Variants in CDH18 observed in about 807,000 individuals in gnomAD.
The protein encoded by CDH18 is cadherin 18.
A neutral mutation model predicts 67.9 loss-of-function variants in CDH18; 31 were observed. That is an observed-to-expected ratio of 0.46 (90% confidence interval 0.34 to 0.62). The LOEUF (loss-of-function observed/expected upper bound fraction) is 0.62. Among genes scored for constraint, CDH18 ranks in the 20% least tolerant of loss-of-function variants. The pLI is 0.01. For missense variants in CDH18, 890 were observed against 975.5 expected (o/e 0.91, Z 1.17); for synonymous variants, 362 against 347.2 (o/e 1.04, Z -0.48).
chr5:19,866,358 A>G lies in CDH18; in HGVS notation c.-256-27116T>C, dbSNP rs1487494665. Among the ~76,000 whole-genome samples the G allele has an allele frequency of 2.0e-5, 3 of 152,186 alleles. No individual in the cohort carries two copies. In the East Asian group the frequency reaches 5.8e-4, roughly 29 times the overall value. On this transcript the variant is annotated intron_variant, in intron 2 of 12. Coordinates refer to ENST00000382275, the MANE Select transcript of CDH18 (RefSeq NM_004934.5). ...TCAGCAGGCTTTTAGTGACTTTTCCATTCAGCCTCAATGCAGAAGAAAGGC... is the reference window on the plus strand; with the variant it reads ...TCAGCAGGCTTTTAGTGACTTTTCCGTTCAGCCTCAATGCAGAAGAAAGGC...
intron 7 of CDH18, among the ~76,000 whole-genome samples, chr5:19,588,103 A>G (rs1010971270): frequency 6.6e-6 from 1 of 152,008 alleles, no homozygotes; most frequent in Non-Finnish European, 1.5e-5. Context: ...TTGTTGGTGT[A>G]TAGGAATGCT....
intron 1 of CDH18, among the ~76,000 whole-genome samples, chr5:20,296,060 G>C (rs963393264): frequency 6.6e-6 from 1 of 151,054 alleles, no homozygotes; most frequent in Admixed American, 6.6e-5. Context: ...ATTTTTAGTA[G>C]AGACGGGGTT....
intron 1 of CDH18, among the ~76,000 whole-genome samples, chr5:20,348,252 C>T (rs1161261544): frequency 6.6e-6 from 1 of 152,066 alleles, no homozygotes; most frequent in African/African-American, 2.4e-5. Flanking sequence ...ATAACAAACT[C>T]ATTAACAACA....
At chr5:20,547,066 C>T (rs1401427105) in intron 1 of CDH18, among the ~76,000 whole-genome samples, 1 of 151,754 alleles carries the variant, frequency 6.6e-6, no homozygotes, top group Non-Finnish European at 1.5e-5. Flanking sequence ...AAAACTAAAA[C>T]AAGAAACAAA....
intron 1 of CDH18, among the ~76,000 whole-genome samples, chr5:20,314,999 T>G (rs958169230): frequency 2.6e-5 from 4 of 152,094 alleles, no homozygotes; most frequent in Non-Finnish European, 5.9e-5. Context: ...GTCAGCAGTG[T>G]TTACTAATTT....
At chr5:19,719,909 G>GA (rs943328556) in intron 5 of CDH18, among the ~76,000 whole-genome samples, 13 of 85,678 alleles carry the variant, frequency 1.5e-4, no homozygotes, top group African/African-American at 4.4e-4. Context: ...GCAAGAGAAA[G>GA]AAAGAAAGAA....
intron 1 of CDH18, among the ~76,000 whole-genome samples, chr5:20,506,997 T>C (rs1754701934): frequency 6.6e-6 from 1 of 152,152 alleles, no homozygotes; most frequent in Non-Finnish European, 1.5e-5. Context: ...AAACTTTTAG[T>C]CATGCTGCCA....
intron 2 of CDH18, among the ~76,000 whole-genome samples, chr5:20,210,215 A>C (rs1740248549): frequency 6.6e-6 from 1 of 151,828 alleles, no homozygotes; most frequent in Non-Finnish European, 1.5e-5. Context: ...CAAGTAACTG[A>C]GTTTTAAATT....
chr5:20,472,881 G>A (rs895850384), intron 1 of CDH18, among the ~76,000 whole-genome samples: 2 of 151,998 alleles, frequency 1.3e-5, no homozygotes, highest in Non-Finnish European at 2.9e-5. Context: ...TTTACTATTT[G>A]TACCATCCTT....
chr5:20,298,144 A>G (rs1350700349), intron 1 of CDH18, among the ~76,000 whole-genome samples: 1 of 152,182 alleles, frequency 6.6e-6, no homozygotes, highest in Non-Finnish European at 1.5e-5. Flanking sequence ...CAGAACCAAG[A>G]CCTTTCTTTA....
Position 19,520,717 on chromosome 5 carries a change from A to G in CDH18, c.1452T>C (p.Asn484=). The change falls in exon 10 of 13, where the codon AAT becomes AAC. Residue 484 remains asparagine, a synonymous_variant. Coordinates refer to ENST00000382275, the MANE Select transcript of CDH18 (RefSeq NM_004934.5). The part of the protein sequence containing the change: ...VGIRVLDVND[N]PPELAREYDI... ...CATATTCCCTGGCAAGTTCGGGTGG[A>G]TTGTCATTGACATCCAGAACTCTAA... is the stretch of plus-strand genomic sequence containing the variant. 6.2e-7 allele frequency: 1 copy of G among 1,613,384 alleles called. No homozygotes were observed. The highest frequency in any genetic ancestry group is 1.3e-5 in the African/African-American group (1 of 75,016).
chr5:20,245,762 T>C (rs1743327889), intron 2 of CDH18, among the ~76,000 whole-genome samples: 1 of 152,138 alleles, frequency 6.6e-6, no homozygotes, highest in Non-Finnish European at 1.5e-5. Context: ...AGCACTATTG[T>C]AGCACAGAAA....
At chr5:20,171,996 T>C (rs530104603) in intron 2 of CDH18, among the ~76,000 whole-genome samples, 1 of 151,052 alleles carries the variant, frequency 6.6e-6, no homozygotes, top group East Asian at 2.0e-4. Context: ...TCCTCATTGC[T>C]TATTTTGTAA....
intron 2 of CDH18, among the ~76,000 whole-genome samples, chr5:20,232,780 T>C (rs1224864306): frequency 6.6e-6 from 1 of 152,098 alleles, no homozygotes; most frequent in Non-Finnish European, 1.5e-5. Flanking sequence ...AGTTGAAAGT[T>C]ATCTTTAACC....
At chr5:20,132,726 G>C (rs1048962793) in intron 2 of CDH18, among the ~76,000 whole-genome samples, 1 of 152,058 alleles carries the variant, frequency 6.6e-6, no homozygotes, top group Non-Finnish European at 1.5e-5. Flanking sequence ...CTCAAGTGTA[G>C]GTCATTCCAG....
chr5:20,527,074 G>A (rs1303183357), intron 1 of CDH18, among the ~76,000 whole-genome samples: 3 of 152,104 alleles, frequency 2.0e-5, no homozygotes. Context: ...TAAATTACCT[G>A]ATAGAGCTGA....
intron 5 of CDH18, among the ~76,000 whole-genome samples, chr5:19,613,138 C>A (rs537114189): frequency 2.0e-5 from 3 of 152,000 alleles, no homozygotes; most frequent in Non-Finnish European, 4.4e-5. Flanking sequence ...GAGTGAGACT[C>A]CAACTAAAAA....
intron 1 of CDH18, among the ~76,000 whole-genome samples, chr5:20,471,976 A>C: frequency 6.6e-6 from 1 of 151,860 alleles, no homozygotes; most frequent in Non-Finnish European, 1.5e-5. Flanking sequence ...CTCTGCTCCA[A>C]AATAAATTCA....
At chr5:19,823,309 C>T (rs541476221) in intron 3 of CDH18, among the ~76,000 whole-genome samples, 1 of 152,208 alleles carries the variant, frequency 6.6e-6, no homozygotes, top group Non-Finnish European at 1.5e-5. Flanking sequence ...TAGGGAATCA[C>T]AAGGGTATTG....
Sources: gnomAD v4.1 joint callset for allele counts (sites outside exome capture counted in the v4.1 genomes callset) on GRCh38, gnomAD v4.1.1 for gene constraint, MANE v1.5 for transcripts, NCBI Gene and HGNC (gene_info 2026-07-23, HGNC 2026-07-21) for gene names.